Variants in SCML4 observed in about 807,000 individuals in gnomAD.
SCML4 encodes the protein Scm polycomb group protein like 4, also known as sex comb on midleg-like protein 4.
A neutral mutation model predicts 41.1 loss-of-function variants in SCML4; 34 were observed. That is an observed-to-expected ratio of 0.83 (90% CI 0.63 to 1.10). SCML4 has a LOEUF of 1.10. SCML4 is among the 50% of genes least tolerant of loss of function. SCML4 has a pLI of 0.00. For missense variants in SCML4, 522 were observed against 534.1 expected, an observed-to-expected ratio of 0.98 and a Z score of 0.22; for synonymous variants, 214 against 220.9, an observed-to-expected ratio of 0.97 and a Z score of 0.28.
intron 5 of SCML4, among the ~76,000 whole-genome samples, chr6:107,737,878 C>T (rs2114472646): frequency 6.6e-6 from 1 of 151,920 alleles, no homozygotes; most frequent in African/African-American, 2.4e-5. Flanking sequence ...TACATTTGTA[C>T]CCCAAAAACT....
chr6:107,821,935 C>G (rs914700043), intron 1 of SCML4, among the ~76,000 whole-genome samples: 1 of 152,190 alleles, frequency 6.6e-6, no homozygotes, highest in Non-Finnish European at 1.5e-5. Context: ...AAATTGTAAA[C>G]AGACCTACGA....
At chr6:107,717,143 CAAAA>C (rs546258538) in intron 6 of SCML4, among the ~76,000 whole-genome samples, 1,649 of 63,242 alleles carry the variant, frequency 0.026, 4 homozygotes, top group East Asian at 0.051. Context: ...ACTAAAAATA[CAAAA>C]AAAAAAAAAA....
intron 1 of SCML4, among the ~76,000 whole-genome samples, chr6:107,822,293 C>G (rs1414764140): frequency 6.6e-6 from 1 of 152,136 alleles, no homozygotes; most frequent in East Asian, 1.9e-4. Context: ...GTGGGCTGAG[C>G]TGCTTAGCTT....
chr6:107,843,590 A>G, the SCML4 span, among the ~76,000 whole-genome samples: 150,080 of 152,246 alleles, frequency 0.99, 74,006 homozygotes, highest in Middle Eastern at 1. Flanking sequence ...ACCCACCCAC[A>G]TCTTCATCAA....
chr6:107,835,898 A>G, the SCML4 span, among the ~76,000 whole-genome samples: 1 of 152,180 alleles, frequency 6.6e-6, no homozygotes, highest in East Asian at 1.9e-4. Flanking sequence ...CAGGAGATGT[A>G]TGTATGGCAG....
At chr6:107,803,085 G>T (rs1034893075) in intron 1 of SCML4, among the ~76,000 whole-genome samples, 1 of 151,910 alleles carries the variant, frequency 6.6e-6, no homozygotes, top group Non-Finnish European at 1.5e-5. Context: ...GCGTGATCTC[G>T]GCTCGCTACA....
At position 107,759,676 on chromosome 6, in the gene SCML4, A is replaced by G. The variant is rs1481382715; in HGVS notation, c.157-9863T>C. 3.9e-5 allele frequency among the ~76,000 whole-genome samples: 6 copies of G among 152,196 alleles called. 1 individual carries two copies. Among genetic ancestry groups the G allele is most frequent in the Admixed American group, 3.9e-4 (6 of 15,284 alleles). On this transcript the variant is annotated intron_variant, in intron 2 of 7. Coordinates refer to ENST00000369020, the MANE Select transcript of SCML4 (RefSeq NM_198081.5). Reference sequence around the variant, plus strand: ...TTACTTACTGCTGATTTGGTTAACTAACTAGACTTATTATTGGGCAATAAT... The same window carrying G: ...TTACTTACTGCTGATTTGGTTAACTGACTAGACTTATTATTGGGCAATAAT...
intron 1 of SCML4, among the ~76,000 whole-genome samples, chr6:107,807,167 T>A (rs1783802048): frequency 6.6e-6 from 1 of 151,892 alleles, no homozygotes; most frequent in Non-Finnish European, 1.5e-5. Flanking sequence ...TTAAGCCAGA[T>A]GATGAAAAGG....
chr6:107,767,012 A>T (rs920375214), intron 2 of SCML4, among the ~76,000 whole-genome samples: 1 of 148,308 alleles, frequency 6.7e-6, no homozygotes, highest in Non-Finnish European at 1.5e-5. Flanking sequence ...GCGCAGTGGC[A>T]TGATCTCGGC....
At chr6:107,824,941 C>T (rs1368890640), upstream of SCML4, among the ~76,000 whole-genome samples, 1 of 152,118 alleles carries the variant, frequency 6.6e-6, no homozygotes, top group African/African-American at 2.4e-5. Context: ...TCAGCGGCTG[C>T]CCACAACATA....
the SCML4 span, among the ~76,000 whole-genome samples, chr6:107,837,092 T>C: frequency 1.3e-5 from 2 of 152,160 alleles, no homozygotes; most frequent in African/African-American, 4.8e-5. Context: ...TGACTCTCAG[T>C]CTTGTTCTCC....
At chr6:107,729,260 G>A (rs571580389) in intron 5 of SCML4, among the ~76,000 whole-genome samples, 53 of 152,336 alleles carry the variant, frequency 3.5e-4, no homozygotes, top group African/African-American at 1.2e-3. Context: ...CTCCCTCTCA[G>A]GACTCTAGGG....
At chr6:107,824,368 T>TGCTTCAACCACATCATGCTTCACC, upstream of SCML4, 1 of 152,214 alleles carries the variant, frequency 6.6e-6, no homozygotes, top group Non-Finnish European at 1.5e-5. Flanking sequence ...GAATTTCCAT[T>TGCTTCAACCACATCATGCTTCACC]ACGATGACAG....
Position 107,821,533 on chromosome 6 carries a change from T to C in SCML4, c.-60+2593A>G, listed in dbSNP as rs544442101. On this transcript the variant is annotated intron_variant, in intron 1 of 7. Transcript: ENST00000369020. ...TTAGACAAGATTTTACGCTCCATGA[T>C]AATCAGATTAAAAGAGGGTCTTTTC... 2.6e-5 allele frequency among the ~76,000 whole-genome samples: 4 copies of C among 152,334 alleles called. No homozygotes were observed. In the South Asian group the frequency reaches 8.3e-4, roughly 32 times the overall value.
intron 1 of SCML4, among the ~76,000 whole-genome samples, chr6:107,800,930 T>A (rs1487230531): frequency 6.6e-6 from 1 of 152,256 alleles, no homozygotes; most frequent in Admixed American, 6.5e-5. Context: ...CTCCCCAATA[T>A]CAGTCAACTT....
rs1778909794 is a variant in SCML4, at chr6:107,754,065, G to A, written c.157-4252C>T. ...GAGGCCTGGGGAATGGAGCACGGCT[G>A]CTGAGCAGCACTGAGGGGGCACTGG... is the stretch of plus-strand genomic sequence containing the variant. On this transcript the variant is annotated intron_variant, in intron 2 of 7. Coordinates refer to ENST00000369020, the MANE Select transcript of SCML4 (RefSeq NM_198081.5). Among the ~76,000 whole-genome samples the A allele has an allele frequency of 3.3e-5, 5 of 152,326 alleles. No individual in the cohort carries two copies. The South Asian group carries it at 8.3e-4, about 25-fold the overall frequency.
At chr6:107,836,853 T>C in the SCML4 span, among the ~76,000 whole-genome samples, 2 of 152,302 alleles carry the variant, frequency 1.3e-5, no homozygotes, top group Admixed American at 1.3e-4. Context: ...TGTTAAATCC[T>C]ATACATTTGG....
intron 1 of SCML4, among the ~76,000 whole-genome samples, chr6:107,784,272 C>G (rs1002989183): frequency 1.3e-5 from 2 of 152,088 alleles, no homozygotes; most frequent in African/African-American, 4.8e-5. Context: ...TGGAGATACA[C>G]CTGCAGGCAA....
At position 107,720,689 on chromosome 6, in the gene SCML4, A is replaced by C. The variant is rs1297583997; in HGVS notation, c.973+14T>G. The C allele has an allele frequency of 3.3e-6, 5 of 1,527,522 alleles. No homozygotes were observed. The highest frequency in any genetic ancestry group is 4.4e-6 in the Non-Finnish European group (5 of 1,138,686). The allele number at this position is 1,527,522 out of a possible 1,614,324, so 94.6% of individuals were successfully genotyped here. A position where few individuals can be genotyped will look rare whatever the true frequency, so the allele number is the denominator to read the frequency against. ...TGTTAAGTCAGTGGGAAGCTGATGC[A>C]TGCATTACATTACCACATCTGTTTC... is the stretch of plus-strand genomic sequence containing the variant. On this transcript the variant is annotated intron_variant, in intron 6 of 7. Coordinates refer to ENST00000369020, the MANE Select transcript of SCML4 (RefSeq NM_198081.5).
Sources: allele counts gnomAD v4.1 joint callset (sites outside exome capture counted in the v4.1 genomes callset), GRCh38; gene constraint gnomAD v4.1.1; transcripts MANE v1.5; gene names NCBI Gene and HGNC (gene_info 2026-07-23, HGNC 2026-07-21).